Variants in APC observed in about 807,000 individuals in gnomAD.
APC encodes the protein adenomatous polyposis coli protein.
APC carries 72 observed loss-of-function variants against 247.0 expected under a neutral mutation model. The observed-to-expected ratio is 0.29, with a 90% CI of 0.24 to 0.35. The LOEUF (loss-of-function observed/expected upper bound fraction) is 0.35. Among genes scored for constraint, APC ranks in the 10% least tolerant of loss-of-function variants. The probability of loss-of-function intolerance (pLI) is 1.00; values close to 1 mark genes in which losing one functional copy is unlikely to be tolerated. For missense variants in APC, 3,400 were observed against 3,360.7 expected, an observed-to-expected ratio of 1.01 and a Z score of -0.29; for synonymous variants, 1,254 against 1,162.5, an observed-to-expected ratio of 1.08 and a Z score of -1.60.
rs951500465 is a variant in APC at position 112,707,576 on chromosome 5, G to T, written c.-142G>T. On this transcript the variant is annotated 5_prime_UTR_variant, in exon 1 of 14. Transcript: ENST00000507379. ...GCGGGGTGTGGCCGCCGGAAGCCTA[G>T]CCGCTGCTCGGGGGGGACCTGCGGG... 1.1e-6 allele frequency: 1 copy of T among 869,726 alleles called. No homozygotes were observed. Among genetic ancestry groups the T allele is most frequent in the Non-Finnish European group, 1.6e-6 (1 of 610,160 alleles). The allele number at this position is 869,726 out of a possible 1,614,324, so 53.9% of individuals were successfully genotyped here. A position where few individuals can be genotyped will look rare whatever the true frequency, so the allele number is the denominator to read the frequency against.
intron 7 of APC, among the ~76,000 whole-genome samples, chr5:112,795,417 ATTAAT>A (rs1760110845): frequency 6.6e-6 from 1 of 152,210 alleles, no homozygotes; most frequent in Admixed American, 6.5e-5. Flanking sequence ...TGTAGGCATG[ATTAAT>A]TAAATAATTG....
At chr5:112,826,804 T>C (rs1430457932) in intron 11 of APC, among the ~76,000 whole-genome samples, 1 of 152,158 alleles carries the variant, frequency 6.6e-6, no homozygotes, top group Admixed American at 6.5e-5. Context: ...AAAATAGCCT[T>C]CTTCACTGTT....
chr5:112,821,272 C>T (rs776923092), intron 10 of APC, among the ~76,000 whole-genome samples: 1 of 151,972 alleles, frequency 6.6e-6, no homozygotes, highest in African/African-American at 2.4e-5. Flanking sequence ...ATGGGAGGCC[C>T]GGGCAGGAGC....
rs187297940 is a variant in APC at position 112,841,729 on chromosome 5, C to T, written c.6135C>T (p.Ser2045=). ...EDDLLQECIS[S]AMPKKKKPSR... The stretch of plus-strand genomic sequence containing the variant: ...ACCTGTTGCAGGAATGTATAAGCTC[C>T]GCAATGCCAAAAAAGAAAAAGCCTT... Residue 2045 remains serine, a synonymous_variant, in exon 16 of 16, where the codon TCC becomes TCT. Transcript: ENST00000257430. This position sits in a 1 kb window ranked among gnomAD's most constrained non-coding sequence, Gnocchi z 4.6. 93 of 1,613,624 alleles carry T rather than the reference C, an allele frequency of 5.8e-5. No homozygotes were observed. Among genetic ancestry groups the T allele is most frequent in the Non-Finnish European group, 7.1e-5 (84 of 1,179,684 alleles).
At chr5:112,784,780 G>A (rs568221450) in intron 6 of APC, among the ~76,000 whole-genome samples, 1 of 152,144 alleles carries the variant, frequency 6.6e-6, no homozygotes, top group Non-Finnish European at 1.5e-5. Context: ...AATAAGAATA[G>A]AATGAAAGTT....
chr5:112,715,332 A>G (rs1225719655), intron 1 of APC, among the ~76,000 whole-genome samples: 1 of 152,226 alleles, frequency 6.6e-6, no homozygotes, highest in African/African-American at 2.4e-5. Context: ...ATATATGTAC[A>G]CATACACACA....
At chr5:112,813,638 C>G (rs1762198795) in intron 8 of APC, among the ~76,000 whole-genome samples, 1 of 151,958 alleles carries the variant, frequency 6.6e-6, no homozygotes, top group Admixed American at 6.6e-5. Flanking sequence ...GTCACCATAG[C>G]TGGGCTCATT....
At chr5:112,709,699 C>G (rs545616443) in intron 1 of APC, among the ~76,000 whole-genome samples, 1 of 151,900 alleles carries the variant, frequency 6.6e-6, no homozygotes, top group Non-Finnish European at 1.5e-5. Flanking sequence ...TCCAGGAGTT[C>G]GAGACCAGCC....
At chr5:112,836,739 C>G (rs1421040613) in intron 15 of APC, among the ~76,000 whole-genome samples, 1 of 152,072 alleles carries the variant, frequency 6.6e-6, no homozygotes, top group Non-Finnish European at 1.5e-5. Context: ...TGGAGTCTCA[C>G]TCTGTTGTCC....
intron 2 of APC, among the ~76,000 whole-genome samples, chr5:112,759,183 G>C (rs1345091762): frequency 6.6e-6 from 1 of 152,106 alleles, no homozygotes; most frequent in African/African-American, 2.4e-5. Flanking sequence ...TAATTATCAA[G>C]TGTACTTATA....
chr5:112,838,823 G>C lies in APC; in HGVS notation c.3229G>C (p.Val1077Leu), dbSNP rs1332655563. The C allele has an allele frequency of 2.5e-6, 4 of 1,614,048 alleles. No homozygotes were observed. The South Asian group carries it at 3.3e-5, about 13-fold the overall frequency. ...QSRNQSTTYP[V>L]YTESTDDKHL... ...AAGGAATCAAAGTACAACTTATCCT[G>C]TTTATACTGAGAGCACTGATGATAA... Residue 1077 changes from valine (V) to leucine (L), a missense_variant, in exon 16 of 16, where the codon GTT becomes CTT. This residue lies in a region of APC where 715 missense variants were observed against 656.6 expected (regional missense o/e 1.09). Transcript: ENST00000257430.
intron 1 of APC, among the ~76,000 whole-genome samples, chr5:112,747,337 T>C (rs1753802316): frequency 6.6e-6 from 1 of 152,252 alleles, no homozygotes; most frequent in Admixed American, 6.5e-5. Context: ...CTCAAATTAA[T>C]ATAAATATAG....
At chr5:112,714,104 C>T (rs1751023073) in intron 1 of APC, among the ~76,000 whole-genome samples, 1 of 152,230 alleles carries the variant, frequency 6.6e-6, no homozygotes. Flanking sequence ...GTTGGAGCTA[C>T]TGCAAGAAAC....
intron 1 of APC, among the ~76,000 whole-genome samples, chr5:112,730,504 T>C (rs1351863113): frequency 6.6e-6 from 1 of 152,242 alleles, no homozygotes; most frequent in Non-Finnish European, 1.5e-5. Flanking sequence ...ATGTGAATAG[T>C]GATACCTTTA....
chr5:112,715,404 G>A (rs541281983), intron 1 of APC, among the ~76,000 whole-genome samples: 1 of 152,266 alleles, frequency 6.6e-6, no homozygotes, highest in African/African-American at 2.4e-5. Flanking sequence ...CAGGGGACAG[G>A]GGATACTACT....
intron 1 of APC, among the ~76,000 whole-genome samples, chr5:112,720,270 C>T (rs1751410828): frequency 6.6e-6 from 1 of 152,122 alleles, no homozygotes; most frequent in South Asian, 2.1e-4. Context: ...GTATGAAAAC[C>T]TAGAATTCTT....
Position 112,827,899 on chromosome 5 carries a change from A to G in APC, c.1549-30A>G, listed in dbSNP as rs899019406. 5.7e-6 allele frequency: 9 copies of G among 1,587,304 alleles called. No homozygotes were observed. The Admixed American group carries it at 1.3e-4, about 24-fold the overall frequency. ...AGCTTGGCTTCAAGTTGTCTTTTTA[A>G]TGATCCTCTATTCTGTATTTAATTT... On this transcript the variant is annotated intron_variant, in intron 12 of 15. Transcript: ENST00000257430.
At chr5:112,758,755 C>T (rs576562406) in intron 2 of APC, among the ~76,000 whole-genome samples, 10 of 152,060 alleles carry the variant, frequency 6.6e-5, no homozygotes, top group Admixed American at 3.3e-4. Context: ...AGGTCCCTAC[C>T]GCCACGCCCG....
upstream of APC, chr5:112,737,776 T>A (rs1752493144): frequency 9.8e-6 from 9 of 921,628 alleles, no homozygotes; most frequent in Non-Finnish European, 1.2e-5. Flanking sequence ...TGTAATCCGC[T>A]GGATGCGGAC....
Sources: allele counts gnomAD v4.1 joint callset (sites outside exome capture counted in the v4.1 genomes callset), GRCh38; gene constraint gnomAD v4.1.1; regional missense constraint gnomAD v4.1.1; non-coding constraint Gnocchi (gnomAD v3.1); transcripts MANE v1.5; gene names NCBI Gene and HGNC (gene_info 2026-07-23, HGNC 2026-07-21).